NCAPD3: variants seen among roughly 807,000 people sequenced by gnomAD.
NCAPD3 encodes non-SMC condensin II complex subunit D3, also known as condensin-2 complex subunit D3.
A neutral mutation model predicts 182.9 loss-of-function variants in NCAPD3; 105 were observed. The ratio of observed to expected loss-of-function variants is 0.57; its 90% CI spans 0.49 to 0.68. NCAPD3 has a LOEUF of 0.68. Ranked by LOEUF, NCAPD3 falls within the 30% of genes least tolerant of loss-of-function variation. The pLI, the probability that NCAPD3 is intolerant of heterozygous loss-of-function variation, is 0.00. For missense variants in NCAPD3, 1,944 were observed against 1,837.0 expected, an observed-to-expected ratio of 1.06 and a Z score of -1.07; for synonymous variants, 815 against 679.9, an observed-to-expected ratio of 1.20 and a Z score of -3.09.
In NCAPD3 at chr11:134,151,904, AG is replaced by A. The variant is rs1214852871; in HGVS notation, c.*1039del. 1.3e-5 allele frequency: 2 copies of A among 152,230 alleles called. No homozygotes were observed. Among genetic ancestry groups the A allele is most frequent in the African/African-American group, 4.8e-5 (2 of 41,466 alleles). 9.4% of individuals were successfully genotyped at this position (152,230 alleles called of 1,614,324 possible). A position where few individuals can be genotyped will look rare whatever the true frequency, so the allele number is the denominator to read the frequency against. On this transcript the variant is annotated 3_prime_UTR_variant, in exon 35 of 35. Transcript: ENST00000534548. ...GGCAGGAGGTCAGCCTGTGTGCTCAAGAGCAGTGCTGCGCCTCTCCGCCACC... is the reference window on the plus strand; with the variant it reads ...GGCAGGAGGTCAGCCTGTGTGCTCAAAGCAGTGCTGCGCCTCTCCGCCACC...
intron 16 of NCAPD3, among the ~76,000 whole-genome samples, chr11:134,189,315 C>T (rs1199583745): frequency 6.6e-6 from 1 of 152,074 alleles, no homozygotes; most frequent in Non-Finnish European, 1.5e-5. Context: ...TAAATTTTAG[C>T]ATTTCTTTTC....
In NCAPD3 at chr11:134,168,482, G is replaced by A; in HGVS notation, c.3360C>T (p.Cys1120=). 1 of 1,614,150 alleles carries A rather than the reference G, an allele frequency of 6.2e-7. No homozygotes were observed. ...CACTGGGCTTACCCAAAATACTAAG[G>A]CAGATTTTGGAAGTGATGTTGAATC... ...EQRFNITSKI[C]LSILACFADG... is the part of the protein sequence containing the mutation. The change falls in exon 26 of 35, where the codon TGC becomes TGT. Residue 1120 remains cysteine (C), a synonymous_variant. Coordinates refer to ENST00000534548, the MANE Select transcript of NCAPD3 (RefSeq NM_015261.3).
At chr11:134,164,544 A>G (rs529013615) in intron 27 of NCAPD3, among the ~76,000 whole-genome samples, 41 of 152,316 alleles carry the variant, frequency 2.7e-4, no homozygotes, top group Non-Finnish European at 4.9e-4. Context: ...AGAGTGGGAC[A>G]CTCACTTGTG....
Position 134,204,113 on chromosome 11 carries a change from C to G in NCAPD3, c.1148G>C (p.Ser383Thr), listed in dbSNP as rs769475096. 6.2e-7 allele frequency: 1 copy of G among 1,614,080 alleles called. No individual in the cohort carries two copies. Among genetic ancestry groups the G allele is most frequent in the Admixed American group, 1.7e-5 (1 of 60,020 alleles). The change falls in exon 10 of 35, where the codon AGT becomes ACT. Residue 383 changes from serine to threonine, a missense_variant. Ser to Thr is a moderately conservative substitution (Grantham distance 58). Coordinates refer to ENST00000534548, the MANE Select transcript of NCAPD3 (RefSeq NM_015261.3). The surrounding 1 kb of genome is among the most constrained non-coding windows in gnomAD (Gnocchi z 4.3). Reference protein sequence around the residue: ...FAAQSLVQLLSKLPCGEYAMF... With the variant: ...FAAQSLVQLLTKLPCGEYAMF... ...AGCGTATTCCCCACAAGGAAGTTTA[C>G]TGAGCAGCTGGACTAGGGACTGGGC...
In NCAPD3 at chr11:134,166,923, G is replaced by A. The variant is rs373522022; in HGVS notation, c.3573+1073C>T. ...GCTTGGGGGAGGCGCACACTCGTGAGATGAGCTTAGGGGAGCTGCACACTC... is the reference window on the plus strand; with the variant it reads ...GCTTGGGGGAGGCGCACACTCGTGAAATGAGCTTAGGGGAGCTGCACACTC... On this transcript the variant is annotated intron_variant, in intron 27 of 34. Transcript: ENST00000534548. 9.6e-5 allele frequency among the ~76,000 whole-genome samples: 13 copies of A among 135,908 alleles called. No homozygotes were observed. In the South Asian group the frequency reaches 2.1e-3, roughly 22 times the overall value. The allele number at this position is 135,908 out of a possible 152,430, so 89.2% of individuals were successfully genotyped here. A position where few individuals can be genotyped will look rare whatever the true frequency, so the allele number is the denominator to read the frequency against.
chr11:134,194,231 CCTTT>C (rs1944581887), intron 14 of NCAPD3, 81 bp from the exon 15 acceptor site: 16 of 1,423,452 alleles, frequency 1.1e-5, no homozygotes, highest in East Asian at 2.3e-5. Context: ...AGGAACACTT[CCTTT>C]AAGTTTGTGG....
rs1944776867 is a variant in NCAPD3, at chr11:134,202,803, A to T, written c.1615+13T>A. 2.5e-6 allele frequency: 4 copies of T among 1,575,590 alleles called. No individual in the cohort carries two copies. Among genetic ancestry groups the T allele is most frequent in the Non-Finnish European group, 3.5e-6 (4 of 1,155,256 alleles). ...CAGTATTACCTATCTGACAGTGATA[A>T]AATCTGACATACCTCCAGATCCAAC... is the stretch of plus-strand genomic sequence containing the variant. On this transcript the variant is annotated intron_variant, in intron 13 of 34. Transcript: ENST00000534548.
At chr11:134,182,681 A>C (rs1591840711) in intron 19 of NCAPD3, among the ~76,000 whole-genome samples, 1 of 152,338 alleles carries the variant, frequency 6.6e-6, no homozygotes, top group Non-Finnish European at 1.5e-5. Flanking sequence ...ACAAGATCTC[A>C]TCAATTTTTT....
intron 22 of NCAPD3, among the ~76,000 whole-genome samples, chr11:134,178,248 G>T (rs10894782): frequency 0.36 from 54,362 of 151,854 alleles, 9,908 homozygotes; most frequent in African/African-American, 0.43. Context: ...TGCAGTGCCC[G>T]GCACAGAACA....
intron 20 of NCAPD3, among the ~76,000 whole-genome samples, chr11:134,180,864 T>G (rs1402213193): frequency 6.6e-6 from 1 of 152,186 alleles, no homozygotes. Context: ...ATGAAGCGTA[T>G]ACCATTGAGT....
intron 20 of NCAPD3, among the ~76,000 whole-genome samples, chr11:134,179,183 G>T (rs895971660): frequency 6.6e-6 from 1 of 152,144 alleles, no homozygotes; most frequent in Admixed American, 6.5e-5. Context: ...GTAAAAGGGG[G>T]TGCTATTAAT....
chr11:134,155,419 C>T (rs1943392674), intron 32 of NCAPD3, among the ~76,000 whole-genome samples: 2 of 152,104 alleles, frequency 1.3e-5, no homozygotes, highest in Non-Finnish European at 2.9e-5. Context: ...CTTCCTGGTT[C>T]AGTATAAAGA....
intron 23 of NCAPD3, 87 bp downstream of exon 23, chr11:134,177,132 C>A (rs1944187502): frequency 9.5e-7 from 1 of 1,053,616 alleles, no homozygotes; most frequent in Non-Finnish European, 1.5e-6. Flanking sequence ...TACTACAAAG[C>A]AAGCACATTT....
At chr11:134,193,692 G>A (rs892201486) in intron 15 of NCAPD3, among the ~76,000 whole-genome samples, 4 of 152,198 alleles carry the variant, frequency 2.6e-5, no homozygotes, top group East Asian at 1.9e-4. Context: ...GGCAGAAGTT[G>A]CAGTGAGCTG....
chr11:134,181,021 G>A, intron 20 of NCAPD3, 56 bp downstream of exon 20: 1 of 1,306,882 alleles, frequency 7.7e-7, no homozygotes, highest in East Asian at 2.3e-5. Context: ...ATCTTTAATA[G>A]AACCTCACGG....
At chr11:134,195,458 A>C (rs1944608352) in intron 13 of NCAPD3, among the ~76,000 whole-genome samples, 1 of 152,210 alleles carries the variant, frequency 6.6e-6, no homozygotes, top group African/African-American at 2.4e-5. Flanking sequence ...ATATCTTTTA[A>C]TACTTAGAAT....
intron 27 of NCAPD3, among the ~76,000 whole-genome samples, chr11:134,167,542 GAT>G (rs1229764203): frequency 7.0e-6 from 1 of 142,516 alleles, no homozygotes; most frequent in East Asian, 2.2e-4. Flanking sequence ...TCACTAGTGA[GAT>G]GAGCTCGGGG....
intron 27 of NCAPD3, among the ~76,000 whole-genome samples, chr11:134,166,427 G>T (rs1382091012): frequency 4.8e-4 from 3 of 6,196 alleles, no homozygotes; most frequent in Admixed American, 2.0e-3. Context: ...TTGGGGGAGG[G>T]GCACACTCAC....
intron 1 of NCAPD3, among the ~76,000 whole-genome samples, chr11:134,222,192 TCTCA>T (rs1324913822): frequency 2.6e-5 from 4 of 152,192 alleles, no homozygotes; most frequent in African/African-American, 9.7e-5. Context: ...TATTCAAATC[TCTCA>T]CTACCTATTT....
Sources: allele counts gnomAD v4.1 joint callset (sites outside exome capture counted in the v4.1 genomes callset), GRCh38; gene constraint gnomAD v4.1.1; non-coding constraint Gnocchi (gnomAD v3.1); transcripts MANE v1.5; gene names NCBI Gene and HGNC (gene_info 2026-07-23, HGNC 2026-07-21).